Variants in POLR1B observed in about 807,000 individuals in gnomAD.
POLR1B encodes DNA-directed RNA polymerase I subunit RPA2.
Under a neutral mutation model 105.8 loss-of-function variants are expected in POLR1B, and 30 were observed. The ratio of observed to expected loss-of-function variants is 0.28; its 90% CI spans 0.21 to 0.38. The LOEUF (loss-of-function observed/expected upper bound fraction) is 0.38. POLR1B is among the 10% of genes least tolerant of loss of function. The pLI is 1.00. For synonymous variants in POLR1B, 485 were observed against 505.1 expected, an observed-to-expected ratio of 0.96 and a Z score of 0.53; for missense variants, 976 against 1,435.8, an observed-to-expected ratio of 0.68 and a Z score of 5.17.
At position 112,573,638 on chromosome 2, in the gene POLR1B, A is replaced by C. The variant is rs1684705505; in HGVS notation, c.2348A>C (p.Glu783Ala). 1 of 1,614,080 alleles carries C rather than the reference A, an allele frequency of 6.2e-7. No homozygotes were observed. The highest frequency in any genetic ancestry group is 1.1e-5 in the South Asian group (1 of 91,090). The change falls in exon 14 of 15, where the codon GAA (glutamate) becomes GCA (alanine). Residue 783 changes from glutamate to alanine, a missense_variant. This residue lies in a region of POLR1B where 119 missense variants were observed against 149.7 expected (regional missense o/e 0.79). Coordinates refer to ENST00000263331, the MANE Select transcript of POLR1B (RefSeq NM_019014.6). The stretch of plus-strand genomic sequence containing the variant: ...AAGTCTGAGTTCATAGACCTCTCTG[A>C]AAAAATTAAACAAGGAGATAGTAGC... ...VYKSEFIDLS[E>A]KIKQGDSSLV...
chr2:112,555,838 A>G (rs1683631984), intron 7 of POLR1B, among the ~76,000 whole-genome samples: 1 of 152,260 alleles, frequency 6.6e-6, no homozygotes, highest in Admixed American at 6.5e-5. Flanking sequence ...TCTTCAGAAG[A>G]TACATAACCA....
rs1192379481 is a variant in POLR1B, at chr2:112,547,015, A to G, written c.181A>G (p.Ile61Val). The G allele has an allele frequency of 6.2e-7, 1 of 1,614,136 alleles. No homozygotes were observed. Among genetic ancestry groups the G allele is most frequent in the Non-Finnish European group, 8.5e-7 (1 of 1,179,994 alleles). The change falls in exon 2 of 15, where the codon ATA becomes GTA. Residue 61 changes from isoleucine to valine, a missense_variant. Transcript: ENST00000263331. The stretch of plus-strand genomic sequence containing the variant: ...AATAGTGTGAATTGCATTTCAGGCT[A>G]TACCTCCCTTTGAATTTGCTTTCAA... ...HEGLGLAVQA[I>V]PPFEFAFKDE...
Position 112,571,624 on chromosome 2 carries a change from C to T in POLR1B, c.2075-938C>T, listed in dbSNP as rs1684594786. 2.6e-5 allele frequency among the ~76,000 whole-genome samples: 4 copies of T among 152,070 alleles called. No homozygotes were observed. The South Asian group carries it at 8.3e-4, about 32-fold the overall frequency. On this transcript the variant is annotated intron_variant, in intron 12 of 14. Transcript: ENST00000263331. ...ATAGTTCAGGAGTCCACCAAAGATTCGGACCCAATTTATATGCTGAATTTA... is the reference window on the plus strand; with the variant it reads ...ATAGTTCAGGAGTCCACCAAAGATTTGGACCCAATTTATATGCTGAATTTA...
chr2:112,549,159 CTG>C, intron 3 of POLR1B, 106 bp from the exon 4 acceptor site: 1 of 1,241,894 alleles, frequency 8.1e-7, no homozygotes, highest in South Asian at 1.3e-5. Context: ...CATTTCACCT[CTG>C]TGTTCCTATT....
chr2:112,542,758 A>C, intron 1 of POLR1B, 87 bp downstream of exon 1: 11 of 1,484,610 alleles, frequency 7.4e-6, no homozygotes, highest in Non-Finnish European at 1.0e-5. Flanking sequence ...CCCCAGATGC[A>C]TGTGCTCCTT....
intron 1 of POLR1B, among the ~76,000 whole-genome samples, chr2:112,544,864 C>T (rs1682951398): frequency 1.3e-5 from 2 of 152,114 alleles, no homozygotes; most frequent in Admixed American, 1.3e-4. Context: ...TTTCAAAATA[C>T]AATTGATTTT....
upstream of POLR1B, chr2:112,542,415 G>T (rs781000806): frequency 2.2e-5 from 35 of 1,612,558 alleles, no homozygotes; most frequent in East Asian, 7.6e-4. Flanking sequence ...ACGGGACTGC[G>T]GCCACTACTT....
intron 1 of POLR1B, 79 bp from the exon 2 acceptor site, chr2:112,546,933 A>G: frequency 6.9e-7 from 1 of 1,450,402 alleles, no homozygotes; most frequent in Non-Finnish European, 9.5e-7. Flanking sequence ...TGTTTGTAGA[A>G]CACATAAGAT....
rs776273150 is a variant in POLR1B at position 112,573,577 on chromosome 2, T to G, written c.2287T>G (p.Ser763Ala). ...MEDAMIVNKA[S>A]WERGFAHGSV... ...TACTTCACAGATTGTGAATAAGGCC[T>G]CTTGGGAACGAGGCTTTGCCCATGG... is the stretch of plus-strand genomic sequence containing the variant. The change falls in exon 14 of 15, where the codon TCT (serine) becomes GCT (alanine). Residue 763 changes from serine to alanine, a missense_variant. By Grantham distance (99) the Ser-to-Ala change is moderately conservative (BLOSUM62 1). This residue lies in a region of POLR1B where 119 missense variants were observed against 149.7 expected (regional missense o/e 0.79). Transcript: ENST00000263331. 6.2e-7 allele frequency: 1 copy of G among 1,613,654 alleles called. No homozygotes were observed. The highest frequency in any genetic ancestry group is 1.3e-5 in the African/African-American group (1 of 74,878).
Position 112,575,223 on chromosome 2 carries a change from G to T in POLR1B, c.2902G>T (p.Ala968Ser). Residue 968 changes from alanine to serine, a missense_variant, in exon 15 of 15, where the codon GCT becomes TCT. Ala to Ser is a moderately conservative substitution (Grantham distance 99). Coordinates refer to ENST00000263331, the MANE Select transcript of POLR1B (RefSeq NM_019014.6). This position sits in a 1 kb window ranked among gnomAD's most constrained non-coding sequence, Gnocchi z 5.3. ...ALEYFGEMLK[A>S]AGYNFYGTER... ...AGAATACTTTGGTGAGATGTTAAAG[G>T]CTGCTGGCTACAATTTCTATGGCAC... 6.2e-7 allele frequency: 1 copy of T among 1,614,172 alleles called. No homozygotes were observed. The highest frequency in any genetic ancestry group is 8.5e-7 in the Non-Finnish European group (1 of 1,180,036).
chr2:112,547,210 A>G, intron 2 of POLR1B, 31 bp downstream of exon 2: 1 of 1,610,738 alleles, frequency 6.2e-7, no homozygotes, highest in African/African-American at 1.3e-5. Flanking sequence ...GTGACTCTCA[A>G]CACTGCACAT....
chr2:112,557,491 G>A (rs1263686640), intron 7 of POLR1B, among the ~76,000 whole-genome samples: 1 of 152,174 alleles, frequency 6.6e-6, no homozygotes, highest in East Asian at 1.9e-4. Context: ...TCAGGTTTTT[G>A]GTTTTGATGT....
chr2:112,577,391 C>CA lies in POLR1B; in HGVS notation c.*1670dup, dbSNP rs757129197. Among the ~76,000 whole-genome samples the CA allele has an allele frequency of 5.3e-5, 8 of 151,948 alleles. No homozygotes were observed. The highest frequency in any genetic ancestry group is 2.1e-4 in the South Asian group (1 of 4,802). ...ATCTCTACAAAAAAAGCAACAACGA[C>CA]AAAAAAAATTAGCCAAGCATAGTGG... is the stretch of plus-strand genomic sequence containing the variant. On this transcript the variant is annotated 3_prime_UTR_variant, in exon 15 of 15. Transcript: ENST00000263331.
chr2:112,570,066 C>T (rs1161053410), intron 12 of POLR1B, among the ~76,000 whole-genome samples: 4 of 143,876 alleles, frequency 2.8e-5, no homozygotes, highest in Admixed American at 6.9e-5. Flanking sequence ...TTTTTTTTCC[C>T]GAGATGGAGT....
chr2:112,569,438 G>A (rs549408620), intron 12 of POLR1B, among the ~76,000 whole-genome samples: 1 of 152,210 alleles, frequency 6.6e-6, no homozygotes, highest in South Asian at 2.1e-4. Context: ...TCTTTCACTG[G>A]ATATACAATT....
intron 10 of POLR1B, among the ~76,000 whole-genome samples, chr2:112,564,883 A>C (rs1001602289): frequency 3.3e-5 from 5 of 152,226 alleles, no homozygotes; most frequent in Admixed American, 1.3e-4. Context: ...TAGGTTTTGA[A>C]AATATATTTT....
rs2104590884 is a variant in POLR1B at position 112,578,461 on chromosome 2, T to A, written c.*2732T>A. Among the ~76,000 whole-genome samples, 1 of 152,326 alleles carries A rather than the reference T, an allele frequency of 6.6e-6. No homozygotes were observed. The highest frequency in any genetic ancestry group is 6.5e-5 in the Admixed American group (1 of 15,296). On this transcript the variant is annotated 3_prime_UTR_variant, in exon 15 of 15. Coordinates refer to ENST00000263331, the MANE Select transcript of POLR1B (RefSeq NM_019014.6). Reference sequence around the variant, plus strand: ...GAATGGCCTTTTCACTCCATTCCCTTGAGATACATCCAGGTAGTTGCATGT... The same window carrying A: ...GAATGGCCTTTTCACTCCATTCCCTAGAGATACATCCAGGTAGTTGCATGT...
In POLR1B at chr2:112,572,133, C is replaced by T. The variant is rs533600268; in HGVS notation, c.2075-429C>T. Among the ~76,000 whole-genome samples, 17 of 152,282 alleles carry T rather than the reference C, an allele frequency of 1.1e-4. No homozygotes were observed. The East Asian group carries it at 2.5e-3, about 22-fold the overall frequency. ...ACTACTTAGAATTAAATACATATTCCGCTGTAAGAAAGTAATCTAATTACG... is the reference window on the plus strand; with the variant it reads ...ACTACTTAGAATTAAATACATATTCTGCTGTAAGAAAGTAATCTAATTACG... On this transcript the variant is annotated intron_variant, in intron 12 of 14. Coordinates refer to ENST00000263331, the MANE Select transcript of POLR1B (RefSeq NM_019014.6).
Position 112,551,793 on chromosome 2 carries a change from G to C in POLR1B, c.781G>C (p.Asp261His), listed in dbSNP as rs1321952097. ...ATTCTAGGCACTTGTCAGCTTTTCT[G>C]ATTATCAGATCTTTCAGGAGCTCAT... is the stretch of plus-strand genomic sequence containing the variant. Reference protein sequence around the residue: ...FALKALVSFSDYQIFQELIKG... With the variant: ...FALKALVSFSHYQIFQELIKG... Residue 261 changes from aspartate (D) to histidine (H), a missense_variant, in exon 6 of 15, where the codon GAT (aspartate) becomes CAT (histidine). Asp to His is a moderately conservative substitution (Grantham distance 81). Coordinates refer to ENST00000263331, the MANE Select transcript of POLR1B (RefSeq NM_019014.6). 6.2e-7 allele frequency: 1 copy of C among 1,613,506 alleles called. No individual in the cohort carries two copies. Among genetic ancestry groups the C allele is most frequent in the African/African-American group, 1.3e-5 (1 of 74,860 alleles).
Sources: gnomAD v4.1 joint callset for allele counts (sites outside exome capture counted in the v4.1 genomes callset) on GRCh38, gnomAD v4.1.1 for gene constraint, gnomAD v4.1.1 regional missense constraint, Gnocchi (gnomAD v3.1) non-coding constraint, MANE v1.5 for transcripts, NCBI Gene and HGNC (gene_info 2026-07-23, HGNC 2026-07-21) for gene names.